CNTNAP2: variants seen among roughly 807,000 people sequenced by gnomAD.
The protein encoded by CNTNAP2 is contactin associated protein 2.
CNTNAP2 carries 98 observed loss-of-function variants against 155.2 expected under a neutral mutation model. That is an observed-to-expected ratio of 0.63 (90% CI 0.54 to 0.75). CNTNAP2 has a LOEUF of 0.75. Among genes scored for constraint, CNTNAP2 ranks in the 30% least tolerant of loss-of-function variants. The probability of loss-of-function intolerance (pLI) is 0.00; values close to 1 mark genes in which losing one functional copy is unlikely to be tolerated. For missense variants in CNTNAP2, 1,727 were observed against 1,688.1 expected (o/e 1.02, Z -0.40); for synonymous variants, 651 against 631.2 (o/e 1.03, Z -0.47).
At chr7:147,522,080 A>T (rs1387220184) in intron 11 of CNTNAP2, among the ~76,000 whole-genome samples, 2 of 152,196 alleles carry the variant, frequency 1.3e-5, no homozygotes, top group East Asian at 3.9e-4. Context: ...GCACTCTCTC[A>T]CAAGTGTGCT....
intron 20 of CNTNAP2, among the ~76,000 whole-genome samples, chr7:148,250,808 G>A (rs904379608): frequency 3.9e-5 from 6 of 152,136 alleles, no homozygotes; most frequent in Admixed American, 1.3e-4. Flanking sequence ...ACTTATTATA[G>A]CCACAGGTTC....
intron 9 of CNTNAP2, among the ~76,000 whole-genome samples, chr7:147,329,499 G>A (rs925417137): frequency 4.6e-5 from 7 of 152,144 alleles, no homozygotes; most frequent in African/African-American, 1.7e-4. Context: ...CTTACTGAAT[G>A]TTGTAAGCAG....
At chr7:146,309,373 A>G (rs538229380) in intron 1 of CNTNAP2, among the ~76,000 whole-genome samples, 1 of 152,270 alleles carries the variant, frequency 6.6e-6, no homozygotes, top group African/African-American at 2.4e-5. Context: ...CTCTCCAAGC[A>G]GCACAGAGGT....
intron 10 of CNTNAP2, among the ~76,000 whole-genome samples, chr7:147,482,373 A>G (rs544660861): frequency 6.6e-6 from 1 of 152,286 alleles, no homozygotes; most frequent in African/African-American, 2.4e-5. Flanking sequence ...AACATTTTCC[A>G]CCATTAAGAA....
intron 8 of CNTNAP2, among the ~76,000 whole-genome samples, chr7:147,172,380 T>C (rs1305364895): frequency 2.6e-5 from 4 of 152,172 alleles, no homozygotes; most frequent in African/African-American, 9.7e-5. Context: ...TGAATGATAA[T>C]TATGGAATAA....
At chr7:147,062,405 G>A (rs1289991572) in intron 4 of CNTNAP2, among the ~76,000 whole-genome samples, 3 of 151,904 alleles carry the variant, frequency 2.0e-5, no homozygotes, top group Non-Finnish European at 4.4e-5. Flanking sequence ...TGCATGCACA[G>A]GGATTATTTG....
intron 3 of CNTNAP2, among the ~76,000 whole-genome samples, chr7:146,978,396 A>G (rs1007977483): frequency 2.6e-5 from 4 of 152,146 alleles, no homozygotes; most frequent in African/African-American, 7.2e-5. Context: ...GACTCTTTCA[A>G]ATGACACCAG....
chr7:148,364,206 A>G (rs865878986), intron 21 of CNTNAP2, among the ~76,000 whole-genome samples: 44 of 152,342 alleles, frequency 2.9e-4, no homozygotes, highest in African/African-American at 5.8e-4. Context: ...CGCACGGTGC[A>G]GGACTGGCGG....
chr7:146,374,633 C>T lies in CNTNAP2; in HGVS notation c.97+257660C>T, dbSNP rs139757655. ...TGACAATGAAAGCAAATCTTCTGGG[C>T]TGCTCATCAGAGTCAGAGGGGATAT... On this transcript the variant is annotated intron_variant, in intron 1 of 23. Transcript: ENST00000361727. Among the ~76,000 whole-genome samples the T allele has an allele frequency of 6.6e-4, 101 of 152,246 alleles. 1 individual carries two copies. Among genetic ancestry groups the T allele is most frequent in the Non-Finnish European group, 1.1e-3 (72 of 68,006 alleles).
chr7:146,373,399 A>AAC (rs1232875269), intron 1 of CNTNAP2, among the ~76,000 whole-genome samples: 21 of 131,170 alleles, frequency 1.6e-4, no homozygotes, highest in African/African-American at 8.2e-4. Flanking sequence ...AAAGGAACTT[A>AAC]ACACATACAC....
At chr7:148,244,174 G>T (rs1796211561) in intron 20 of CNTNAP2, among the ~76,000 whole-genome samples, 1 of 152,190 alleles carries the variant, frequency 6.6e-6, no homozygotes, top group East Asian at 1.9e-4. Flanking sequence ...TAGGAGAGAT[G>T]GGGGCCAGGT....
chr7:147,399,098 G>C (rs1796870491), intron 10 of CNTNAP2, among the ~76,000 whole-genome samples: 1 of 152,110 alleles, frequency 6.6e-6, no homozygotes, highest in African/African-American at 2.4e-5. Flanking sequence ...GGCAACGAAA[G>C]AGGCACTTGC....
chr7:147,330,065 G>A (rs931702169), intron 9 of CNTNAP2, among the ~76,000 whole-genome samples: 1 of 152,050 alleles, frequency 6.6e-6, no homozygotes, highest in Non-Finnish European at 1.5e-5. Context: ...ATCCAACTTA[G>A]GGCGAAACCC....
At chr7:146,446,445 A>G (rs1019134244) in intron 1 of CNTNAP2, among the ~76,000 whole-genome samples, 2 of 152,112 alleles carry the variant, frequency 1.3e-5, no homozygotes, top group African/African-American at 4.8e-5. Context: ...AAGAAATTAT[A>G]TTTGCAACCA....
chr7:146,322,632 C>CTATTTTTTTT, intron 1 of CNTNAP2, among the ~76,000 whole-genome samples: 1 of 9,370 alleles, frequency 1.1e-4, no homozygotes, highest in Admixed American at 1.3e-3. Context: ...TGTGTTCATT[C>CTATTTTTTTT]TCTTTTTTTT....
At chr7:147,365,383 G>GAAAAAAAACAAAAAAA (rs1796211442) in intron 9 of CNTNAP2, among the ~76,000 whole-genome samples, 1 of 93,638 alleles carries the variant, frequency 1.1e-5, no homozygotes, top group African/African-American at 4.3e-5. Context: ...ATCTCAAAAA[G>GAAAAAAAACAAAAAAA]AAAAAAAAAA....
At chr7:147,563,845 A>G (rs10261996) in intron 12 of CNTNAP2, among the ~76,000 whole-genome samples, 67,850 of 151,790 alleles carry the variant, frequency 0.45, 15,371 homozygotes, top group East Asian at 0.61. Context: ...TTGTAAAACT[A>G]GAACTGAAAA....
intron 2 of CNTNAP2, among the ~76,000 whole-genome samples, chr7:146,777,383 A>G (rs1228880854): frequency 6.6e-6 from 1 of 152,178 alleles, no homozygotes; most frequent in Non-Finnish European, 1.5e-5. Context: ...TGAGGTAACT[A>G]AGCTATATCT....
At chr7:148,072,023 A>C (rs78284446) in intron 15 of CNTNAP2, among the ~76,000 whole-genome samples, 1 of 152,146 alleles carries the variant, frequency 6.6e-6, no homozygotes, top group African/African-American at 2.4e-5. Flanking sequence ...TCATGTAAAC[A>C]ATTATCTTTC....
Sources: gnomAD v4.1 joint callset for allele counts (sites outside exome capture counted in the v4.1 genomes callset) on GRCh38, gnomAD v4.1.1 for gene constraint, MANE v1.5 for transcripts, NCBI Gene and HGNC (gene_info 2026-07-23, HGNC 2026-07-21) for gene names.